Variants in PTPRU observed in about 807,000 individuals in gnomAD.
PTPRU encodes the protein protein tyrosine phosphatase receptor type U, also known as receptor-type tyrosine-protein phosphatase U.
Under a neutral mutation model 166.3 loss-of-function variants are expected in PTPRU, and 69 were observed. The observed-to-expected ratio is 0.41, with a 90% CI of 0.34 to 0.51. PTPRU has a LOEUF of 0.51. PTPRU is among the 20% of genes least tolerant of loss of function. The pLI is 0.09. For missense variants in PTPRU, 1,657 were observed against 2,013.7 expected (o/e 0.82, Z 3.39); for synonymous variants, 793 against 814.0 (o/e 0.97, Z 0.44).
In PTPRU at chr1:29,237,779, G is replaced by A. The variant is rs2151936073; in HGVS notation, c.73+1062G>A. ...GGCGCCGGGGCTGCGGGGCGCCCGGGCCAGCGGGCCCCAGCGAGGGGCCGG... is the reference window on the plus strand; with the variant it reads ...GGCGCCGGGGCTGCGGGGCGCCCGGACCAGCGGGCCCCAGCGAGGGGCCGG... On this transcript the variant is annotated intron_variant, in intron 1 of 29. Coordinates refer to ENST00000373779, the MANE Select transcript of PTPRU (RefSeq NM_133178.4). This position sits in a 1 kb window ranked among gnomAD's most constrained non-coding sequence, Gnocchi z 6.4. Among the ~76,000 whole-genome samples the A allele has an allele frequency of 6.8e-6, 1 of 147,558 alleles. No individual in the cohort carries two copies.
chr1:29,246,969 G>A lies in PTPRU; in HGVS notation c.74-8306G>A, dbSNP rs1011833120. On this transcript the variant is annotated intron_variant, in intron 1 of 29. Coordinates refer to ENST00000373779, the MANE Select transcript of PTPRU (RefSeq NM_133178.4). ...TTGTGCCACTTCCTACCCATGCCTC[G>A]AGTCTGCACATACTCTGTTCCTCAG... is the stretch of plus-strand genomic sequence containing the variant. Among the ~76,000 whole-genome samples, 4 of 152,094 alleles carry A rather than the reference G, an allele frequency of 2.6e-5. No individual in the cohort carries two copies. In the South Asian group the frequency reaches 6.2e-4, roughly 24 times the overall value.
intron 7 of PTPRU, among the ~76,000 whole-genome samples, chr1:29,261,573 AG>A (rs1425947381): frequency 6.6e-6 from 1 of 152,192 alleles, no homozygotes; most frequent in Admixed American, 6.5e-5. Context: ...TCTGTCACCC[AG>A]GCTGGAGCAC....
intron 11 of PTPRU, among the ~76,000 whole-genome samples, chr1:29,282,438 G>A (rs1159635870): frequency 1.3e-5 from 2 of 152,200 alleles, no homozygotes; most frequent in Non-Finnish European, 2.9e-5. Context: ...CTGGCTGCTT[G>A]CTTAACTTGC....
At position 29,271,226 on chromosome 1, in the gene PTPRU, T is replaced by G. The variant is rs1179016250; in HGVS notation, c.1145-4222T>G. On this transcript the variant is annotated intron_variant, in intron 7 of 29. Coordinates refer to ENST00000373779, the MANE Select transcript of PTPRU (RefSeq NM_133178.4). This position sits in a 1 kb window ranked among gnomAD's most constrained non-coding sequence, Gnocchi z 4.4. The stretch of plus-strand genomic sequence containing the variant: ...TGTGTAATTTAGAGGGATGGGGCTT[T>G]GAGGTCCCCAAGTTCTGTTTTGTCA... 6.6e-6 allele frequency among the ~76,000 whole-genome samples: 1 copy of G among 152,240 alleles called. No homozygotes were observed. Among genetic ancestry groups the G allele is most frequent in the Admixed American group, 6.5e-5 (1 of 15,284 alleles).
Position 29,325,732 on chromosome 1 carries a change from T to A in PTPRU, c.*71T>A. ...CACCATCCTGGACTGGCGAGGAAGA[T>A]CAGTGCCTCCTGCTCTGCCCAAACA... On this transcript the variant is annotated 3_prime_UTR_variant, in exon 30 of 30. Coordinates refer to ENST00000373779, the MANE Select transcript of PTPRU (RefSeq NM_133178.4). 2 of 1,437,110 alleles carry A rather than the reference T, an allele frequency of 1.4e-6. No homozygotes were observed. The highest frequency in any genetic ancestry group is 4.6e-5 in the East Asian group (2 of 43,700). The allele number at this position is 1,437,110 out of a possible 1,614,324, so 89.0% of individuals were successfully genotyped here.
chr1:29,315,353 G>A lies in PTPRU; in HGVS notation c.3228-19G>A, dbSNP rs35918836. On this transcript the variant is annotated intron_variant, in intron 22 of 29. Coordinates refer to ENST00000373779, the MANE Select transcript of PTPRU (RefSeq NM_133178.4). The surrounding 1 kb of genome is among the most constrained non-coding windows in gnomAD (Gnocchi z 4.5). ...CCTCCCCAAAGCTCTGACCTGGTCT[G>A]GGGCTGCTCTCTCTCCAGCGCGGGC... 156,980 of 1,613,378 alleles carry A rather than the reference G, an allele frequency of 0.097. 8,395 individuals are homozygous for A. The highest frequency in any genetic ancestry group is 0.19 in the Middle Eastern group (1,100 of 5,938).
At chr1:29,316,294 C>G in intron 24 of PTPRU, 143 bp downstream of exon 24, 2 of 1,041,558 alleles carry the variant, frequency 1.9e-6, no homozygotes, top group South Asian at 1.7e-5. Context: ...GCTGAGCTAC[C>G]AGGAAGGACT....
At chr1:29,321,050 G>T (rs1031423472) in intron 26 of PTPRU, among the ~76,000 whole-genome samples, 2 of 152,142 alleles carry the variant, frequency 1.3e-5, no homozygotes, top group African/African-American at 2.4e-5. Flanking sequence ...TTGAGACAAG[G>T]TCTCACTCTT....
intron 14 of PTPRU, chr1:29,289,567 C>T: frequency 5.4e-6 from 7 of 1,285,852 alleles, no homozygotes; most frequent in African/African-American, 4.4e-5. Flanking sequence ...GGCCAGCCCC[C>T]TCCCCAGCCC....
intron 1 of PTPRU, among the ~76,000 whole-genome samples, chr1:29,255,058 T>C (rs892432163): frequency 6.6e-6 from 1 of 151,910 alleles, no homozygotes; most frequent in Non-Finnish European, 1.5e-5. Flanking sequence ...GAGTTGGCAG[T>C]GTAGGGACAT....
At chr1:29,248,633 T>C (rs1045337516) in intron 1 of PTPRU, among the ~76,000 whole-genome samples, 6 of 152,138 alleles carry the variant, frequency 3.9e-5, no homozygotes, top group Admixed American at 3.3e-4. Flanking sequence ...CAGAAAATAC[T>C]GGTTGCAGCT....
At chr1:29,254,272 A>G (rs1684677525) in intron 1 of PTPRU, among the ~76,000 whole-genome samples, 1 of 152,156 alleles carries the variant, frequency 6.6e-6, no homozygotes, top group Admixed American at 6.5e-5. Context: ...GAAGCTTGCA[A>G]TTCCTTTCTG....
chr1:29,254,234 A>C (rs944463720), intron 1 of PTPRU, among the ~76,000 whole-genome samples: 4 of 152,146 alleles, frequency 2.6e-5, no homozygotes, highest in African/African-American at 9.7e-5. Flanking sequence ...GGCTCCAAAC[A>C]CTAAGGTTTG....
At position 29,279,250 on chromosome 1, in the gene PTPRU, G is replaced by A; in HGVS notation, c.1563+129G>A. On this transcript the variant is annotated intron_variant, in intron 9 of 29. Transcript: ENST00000373779. This position sits in a 1 kb window ranked among gnomAD's most constrained non-coding sequence, Gnocchi z 5.2. ...GATTGTCATAGTTTCTTCAACTATGGCCAGGTCTGTGCCCTGTGTATTCTA... is the reference window on the plus strand; with the variant it reads ...GATTGTCATAGTTTCTTCAACTATGACCAGGTCTGTGCCCTGTGTATTCTA... 2 of 1,023,084 alleles carry A rather than the reference G, an allele frequency of 2.0e-6. No individual in the cohort carries two copies. Among genetic ancestry groups the A allele is most frequent in the Non-Finnish European group, 2.9e-6 (2 of 687,738 alleles). 63.4% of individuals were successfully genotyped at this position (1,023,084 alleles called of 1,614,324 possible).
chr1:29,246,306 C>T (rs994917152), intron 1 of PTPRU, among the ~76,000 whole-genome samples: 3 of 152,356 alleles, frequency 2.0e-5, no homozygotes, highest in Admixed American at 6.5e-5. Flanking sequence ...CGTCCTTTTC[C>T]AGGTTTTTGT....
In PTPRU at chr1:29,312,663, G is replaced by T; in HGVS notation, c.3184G>T (p.Ala1062Ser). ...GCTGGCTTTCATCCGGCGCGTGAAG[G>T]CCTCCACCCCACCTGATGCCGGGCC... ...GLLAFIRRVKASTPPDAGPIV... is the reference protein window; with the variant it reads ...GLLAFIRRVKSSTPPDAGPIV... Residue 1062 changes from alanine to serine, a missense_variant, in exon 22 of 30, where the codon GCC (alanine) becomes TCC (serine). Coordinates refer to ENST00000373779, the MANE Select transcript of PTPRU (RefSeq NM_133178.4). 1.2e-6 allele frequency: 2 copies of T among 1,610,994 alleles called. No individual in the cohort carries two copies. Among genetic ancestry groups the T allele is most frequent in the Non-Finnish European group, 1.7e-6 (2 of 1,177,824 alleles).
At position 29,311,492 on chromosome 1, in the gene PTPRU, T is replaced by C; in HGVS notation, c.2894T>C (p.Met965Thr). Residue 965 changes from methionine (M) to threonine (T), a missense_variant, in exon 20 of 30, where the codon ATG (methionine) becomes ACG (threonine). Met to Thr is a moderately conservative substitution (Grantham distance 81, BLOSUM62 -1). Around this residue, in one of 3 missense-constraint regions of PTPRU, gnomAD observed 1,190 missense variants for 1,477.4 expected, o/e 0.81. Coordinates refer to ENST00000373779, the MANE Select transcript of PTPRU (RefSeq NM_133178.4). This position sits in a 1 kb window ranked among gnomAD's most constrained non-coding sequence, Gnocchi z 4.1. ...KPEMVYDFWR[M>T]VWQEHCSSIV... ...GAGATGGTCTATGACTTCTGGCGTA[T>C]GGTGTGGCAGGAGCACTGTTCCAGC... The C allele has an allele frequency of 6.2e-7, 1 of 1,614,142 alleles. No individual in the cohort carries two copies. Among genetic ancestry groups the C allele is most frequent in the South Asian group, 1.1e-5 (1 of 91,080 alleles).
chr1:29,325,803 TC>T lies in PTPRU; in HGVS notation c.*147del, dbSNP rs1688388439. 3 of 954,498 alleles carry T rather than the reference TC, an allele frequency of 3.1e-6. No individual in the cohort carries two copies. The highest frequency in any genetic ancestry group is 5.5e-5 in the East Asian group (2 of 36,614). 59.1% of individuals were successfully genotyped at this position (954,498 alleles called of 1,614,324 possible). On this transcript the variant is annotated 3_prime_UTR_variant, in exon 30 of 30. Transcript: ENST00000373779. ...TGGAGTGGATGCTGGGCTATCTTGC[TC>T]CCCCTTCCACTGTGGGCAGGGCCTT...
chr1:29,325,566 C>G, intron 29 of PTPRU, 33 bp from the exon 30 acceptor site: 1 of 1,587,970 alleles, frequency 6.3e-7, no homozygotes. Flanking sequence ...TGGGGTCAGG[C>G]TCATGATTCC....
Sources: allele counts gnomAD v4.1 joint callset (sites outside exome capture counted in the v4.1 genomes callset), GRCh38; gene constraint gnomAD v4.1.1; regional missense constraint gnomAD v4.1.1; non-coding constraint Gnocchi (gnomAD v3.1); transcripts MANE v1.5; gene names NCBI Gene and HGNC (gene_info 2026-07-23, HGNC 2026-07-21).